GOLGA3: variants seen among roughly 807,000 people sequenced by gnomAD.
The protein encoded by GOLGA3 is golgin subfamily A member 3.
In GOLGA3, 75 loss-of-function variants were observed where a neutral mutation model predicts 169.4. The observed-to-expected ratio is 0.44, with a 90% CI of 0.37 to 0.54. GOLGA3 has a LOEUF of 0.54. Among genes scored for constraint, GOLGA3 ranks in the 20% least tolerant of loss-of-function variants. The pLI is 0.00. For missense variants in GOLGA3, 1,899 were observed against 1,930.0 expected (o/e 0.98, Z 0.30); for synonymous variants, 824 against 822.4 (o/e 1.00, Z -0.03).
At chr12:132,821,883 A>T in intron 2 of GOLGA3, 113 bp downstream of exon 2, 1 of 656,330 alleles carries the variant, frequency 1.5e-6, no homozygotes, top group Non-Finnish European at 2.6e-6. Context: ...AACAACTTTG[A>T]ATTAAGTGAA....
At chr12:132,790,148 G>A (rs1032372492) in intron 12 of GOLGA3, among the ~76,000 whole-genome samples, 7 of 151,952 alleles carry the variant, frequency 4.6e-5, no homozygotes, top group South Asian at 2.1e-4. Flanking sequence ...TGGCTAACAC[G>A]GTGAAACCCC....
intron 3 of GOLGA3, 75 bp downstream of exon 3, chr12:132,816,465 C>T (rs1211955582): frequency 1.2e-4 from 173 of 1,466,512 alleles, no homozygotes; most frequent in Middle Eastern, 5.6e-4. Context: ...ACAGTGAGTG[C>T]GCAGGGCACC....
intron 4 of GOLGA3, among the ~76,000 whole-genome samples, chr12:132,812,227 ATAT>A (rs1348679492): frequency 9.2e-6 from 1 of 109,006 alleles, no homozygotes; most frequent in African/African-American, 2.7e-5. Context: ...ATATATATAT[ATAT>A]TTTTTTTAAC....
rs555762472 is a variant in GOLGA3, at chr12:132,823,092, T to C, written c.-183-781A>G. On this transcript the variant is annotated intron_variant, in intron 1 of 23. Transcript: ENST00000450791. Reference sequence around the variant, plus strand: ...CAGGTGCCATGGGATGTGGTAACTCTATACAGGGTGTACAAGGACACCAGA... The same window carrying C: ...CAGGTGCCATGGGATGTGGTAACTCCATACAGGGTGTACAAGGACACCAGA... Among the ~76,000 whole-genome samples, 5 of 152,262 alleles carry C rather than the reference T, an allele frequency of 3.3e-5. No individual in the cohort carries two copies. The South Asian group carries it at 1.0e-3, about 32-fold the overall frequency.
At position 132,808,449 on chromosome 12, in the gene GOLGA3, G is replaced by C; in HGVS notation, c.620C>G (p.Thr207Arg). 3 of 1,614,130 alleles carry C rather than the reference G, an allele frequency of 1.9e-6. No individual in the cohort carries two copies. The highest frequency in any genetic ancestry group is 1.7e-6 in the Non-Finnish European group (2 of 1,179,972). The change falls in exon 5 of 24, where the codon ACA becomes AGA. Residue 207 changes from threonine to arginine, a missense_variant. Thr to Arg is a moderately conservative substitution (Grantham distance 71). Coordinates refer to ENST00000450791, the MANE Select transcript of GOLGA3 (RefSeq NM_001389683.1). ...GGTGCGCAGGAAGGAATATTCTTTT[G>C]TCATAGCCAGGGTACTGGCCCTTGG... ...NLPRASTLAM[T>R]KEYSFLRTSV... is the part of the protein sequence containing the mutation.
In GOLGA3 at chr12:132,786,599, C is replaced by A. The variant is rs554371662; in HGVS notation, c.2907-44G>T. 4 of 1,600,430 alleles carry A rather than the reference C, an allele frequency of 2.5e-6. No individual in the cohort carries two copies. The South Asian group carries it at 3.3e-5, about 13-fold the overall frequency. ...GACACAGGAGGAAGCTGAATTATCCCGATGTGACCGTCTGGCATTCTGGTT... is the reference window on the plus strand; with the variant it reads ...GACACAGGAGGAAGCTGAATTATCCAGATGTGACCGTCTGGCATTCTGGTT... On this transcript the variant is annotated intron_variant, in intron 14 of 23. Transcript: ENST00000450791.
chr12:132,797,441 A>G (rs971110460), intron 9 of GOLGA3, among the ~76,000 whole-genome samples: 2 of 152,152 alleles, frequency 1.3e-5, no homozygotes, highest in Non-Finnish European at 2.9e-5. Context: ...TATAAAGATG[A>G]GGCTCACGCC....
In GOLGA3 at chr12:132,791,328, G is replaced by A. The variant is rs746430442; in HGVS notation, c.2470-35C>T. On this transcript the variant is annotated intron_variant, in intron 11 of 23. Transcript: ENST00000450791. ...ACATGTGCACAGACATTACACTGACGGCTCCAGGAGGGGAATCTGTCTGCA... is the reference window on the plus strand; with the variant it reads ...ACATGTGCACAGACATTACACTGACAGCTCCAGGAGGGGAATCTGTCTGCA... The A allele has an allele frequency of 3.3e-5, 40 of 1,195,816 alleles. No individual in the cohort carries two copies. In the Middle Eastern group the frequency reaches 5.7e-4, roughly 17 times the overall value. The allele number at this position is 1,195,816 out of a possible 1,614,324, so 74.1% of individuals were successfully genotyped here.
intron 4 of GOLGA3, chr12:132,811,719 C>A (rs1949715008): frequency 1.7e-5 from 3 of 180,800 alleles, no homozygotes; most frequent in Non-Finnish European, 2.1e-5. Flanking sequence ...GCCCCACCCT[C>A]CCATAGTGCT....
chr12:132,816,438 G>T, intron 3 of GOLGA3, 102 bp downstream of exon 3: 1 of 1,216,254 alleles, frequency 8.2e-7, no homozygotes, highest in Non-Finnish European at 1.2e-6. Flanking sequence ...GGCAGGCACA[G>T]GCACACAACA....
chr12:132,810,018 G>A (rs1422910792), intron 4 of GOLGA3, among the ~76,000 whole-genome samples: 1 of 152,146 alleles, frequency 6.6e-6, no homozygotes, highest in Non-Finnish European at 1.5e-5. Context: ...GCTGAGGCGG[G>A]CAGATCATTT....
Position 132,796,177 on chromosome 12 carries a change from A to G in GOLGA3, c.2144T>C (p.Leu715Ser). 1 of 1,604,176 alleles carries G rather than the reference A, an allele frequency of 6.2e-7. No homozygotes were observed. ...CATCAGGTCCAGGTGCTCCTGCTGC[A>G]AAGCCTCAAGCTGCTGGTCTCGCTG... Reference protein sequence around the residue: ...LLQRDQQLEALQQEHLDLMKQ... With the variant: ...LLQRDQQLEASQQEHLDLMKQ... Residue 715 changes from leucine to serine, a missense_variant, in exon 11 of 24, where the codon TTG becomes TCG. Coordinates refer to ENST00000450791, the MANE Select transcript of GOLGA3 (RefSeq NM_001389683.1).
Sources: allele counts gnomAD v4.1 joint callset (sites outside exome capture counted in the v4.1 genomes callset), GRCh38; gene constraint gnomAD v4.1.1; transcripts MANE v1.5; gene names NCBI Gene and HGNC (gene_info 2026-07-23, HGNC 2026-07-21).